DNHD1: variants seen among roughly 807,000 people sequenced by gnomAD.
DNHD1 encodes the protein dynein heavy chain domain 1.
A neutral mutation model predicts 458.1 loss-of-function variants in DNHD1; 383 were observed. The observed-to-expected ratio is 0.84, with a 90% CI of 0.77 to 0.91. DNHD1 has a LOEUF of 0.91. Among genes scored for constraint, DNHD1 ranks in the 40% least tolerant of loss-of-function variants. The pLI, the probability that DNHD1 is intolerant of heterozygous loss-of-function variation, is 0.00. For missense variants in DNHD1, 5,336 were observed against 5,866.1 expected (o/e 0.91, Z 2.95); for synonymous variants, 2,203 against 2,376.9 (o/e 0.93, Z 2.13).
chr11:6,550,295 C>T (rs1853313770), intron 24 of DNHD1, among the ~76,000 whole-genome samples: 1 of 152,160 alleles, frequency 6.6e-6, no homozygotes, highest in Non-Finnish European at 1.5e-5. Flanking sequence ...GGTTCCAAAA[C>T]CTGTAGTTCC....
intron 39 of DNHD1, among the ~76,000 whole-genome samples, chr11:6,569,265 C>T (rs147285822): frequency 9.5e-4 from 145 of 152,118 alleles, no homozygotes; most frequent in African/African-American, 2.8e-3. Flanking sequence ...GGATGGATCA[C>T]GAGGTCAGGA....
chr11:6,566,446 T>C lies in DNHD1; in HGVS notation c.11206+53T>C, dbSNP rs185564195. The C allele has an allele frequency of 1.5e-4, 227 of 1,549,912 alleles. No individual in the cohort carries two copies. The African/African-American group carries it at 2.9e-3, about 20-fold the overall frequency. On this transcript the variant is annotated intron_variant, in intron 34 of 42. Transcript: ENST00000254579. ...ACAGTTGTGTGGACACACTAGGCCC[T>C]CAGCACCAGCCCTAAGAGGGCTTCA...
At chr11:6,562,077 G>A (rs1245715205) in intron 28 of DNHD1, among the ~76,000 whole-genome samples, 1 of 152,192 alleles carries the variant, frequency 6.6e-6, no homozygotes, top group East Asian at 1.9e-4. Context: ...GGCCAGTGTA[G>A]AAGGTCGGGA....
chr11:6,567,628 A>G lies in DNHD1; in HGVS notation c.12119A>G (p.Lys4040Arg), dbSNP rs1437890710. The change falls in exon 36 of 43, where the codon AAG (lysine) becomes AGG (arginine). Residue 4040 changes from lysine (K) to arginine (R), a missense_variant. Lys to Arg is a conservative substitution (Grantham distance 26). This residue lies in a region of DNHD1 where 695 missense variants were observed against 804.2 expected (regional missense o/e 0.86). Transcript: ENST00000254579. ...PGPEPLSLLQ[K>R]LILWRVLRPE... ...CCTGAGCCACTCAGCCTCCTCCAGA[A>G]GCTGATCCTGTGGCGCGTTCTGCGA... 2 of 1,613,804 alleles carry G rather than the reference A, an allele frequency of 1.2e-6. No homozygotes were observed. The highest frequency in any genetic ancestry group is 1.7e-6 in the Non-Finnish European group (2 of 1,179,882).
Position 6,558,710 on chromosome 11 carries a change from T to C in DNHD1, c.9211+17T>C. 1 of 1,546,630 alleles carries C rather than the reference T, an allele frequency of 6.5e-7. No homozygotes were observed. Among genetic ancestry groups the C allele is most frequent in the Non-Finnish European group, 8.7e-7 (1 of 1,146,628 alleles). ...TTGATGACGGTAAGCCCTTTTTACT[T>C]GTCCTTACCACTCATCTCTACCAGG... is the stretch of plus-strand genomic sequence containing the variant. On this transcript the variant is annotated intron_variant, in intron 26 of 42. Coordinates refer to ENST00000254579, the MANE Select transcript of DNHD1 (RefSeq NM_144666.3).
chr11:6,564,475 C>T lies in DNHD1; in HGVS notation c.10427C>T (p.Ala3476Val), dbSNP rs983309183. The change falls in exon 32 of 43, where the codon GCT becomes GTT. Residue 3476 changes from alanine (A) to valine (V), a missense_variant. Transcript: ENST00000254579. The part of the protein sequence containing the change: ...WLALCRGFQE[A>V]LGPDDVAQAL... ...GCTCTGTGTAGGGGCTTTCAGGAGGCTCTGGGCCCAGATGATGTGGCACAG... is the reference window on the plus strand; with the variant it reads ...GCTCTGTGTAGGGGCTTTCAGGAGGTTCTGGGCCCAGATGATGTGGCACAG... 1 of 1,551,726 alleles carries T rather than the reference C, an allele frequency of 6.4e-7. No homozygotes were observed. The highest frequency in any genetic ancestry group is 8.7e-7 in the Non-Finnish European group (1 of 1,146,988).
intron 27 of DNHD1, 23 bp downstream of exon 27, chr11:6,559,129 T>C (rs1853531467): frequency 5.2e-6 from 8 of 1,551,552 alleles, no homozygotes; most frequent in Non-Finnish European, 7.0e-6. Flanking sequence ...TCCCCTGCAG[T>C]GTACCTCCTT....
intron 4 of DNHD1, among the ~76,000 whole-genome samples, chr11:6,504,475 G>A (rs758682541): frequency 9.9e-5 from 15 of 152,174 alleles, no homozygotes; most frequent in Non-Finnish European, 1.8e-4. Flanking sequence ...TTGAGACAGA[G>A]TTTCACTCTT....
intron 7 of DNHD1, among the ~76,000 whole-genome samples, chr11:6,512,451 T>C (rs1432103097): frequency 2.0e-5 from 3 of 151,906 alleles, no homozygotes. Flanking sequence ...CTTGATCTCC[T>C]GACCTTGTGA....
Position 6,537,528 on chromosome 11 carries a change from G to A in DNHD1, c.2999-855G>A, listed in dbSNP as rs117010137. On this transcript the variant is annotated intron_variant, in intron 14 of 42. Transcript: ENST00000254579. ...ACCAAATTCTGTAGTATATAAGAAAGTGATAAGTGATAGAGAAAAAAAAAA... is the reference window on the plus strand; with the variant it reads ...ACCAAATTCTGTAGTATATAAGAAAATGATAAGTGATAGAGAAAAAAAAAA... Among the ~76,000 whole-genome samples, 155 of 151,360 alleles carry A rather than the reference G, an allele frequency of 1.0e-3. 1 individual carries two copies. In the East Asian group the frequency reaches 0.027, roughly 26 times the overall value.
intron 4 of DNHD1, among the ~76,000 whole-genome samples, chr11:6,506,517 T>G (rs763400581): frequency 6.6e-6 from 1 of 152,218 alleles, no homozygotes; most frequent in Admixed American, 6.5e-5. Context: ...ATAGAACTCT[T>G]TCACTTGCTG....
Position 6,563,845 on chromosome 11 carries a change from C to T in DNHD1, c.10005C>T (p.His3335=), listed in dbSNP as rs1444379532. 1.3e-6 allele frequency: 2 copies of T among 1,551,596 alleles called. No individual in the cohort carries two copies. The highest frequency in any genetic ancestry group is 2.0e-5 in the Admixed American group (1 of 50,992). ...CAGCCTGGCTCTGGGCTGTTCTGCA[C>T]TATGGGCTGGCGCATTGCCGGGGAC... ...SLAAWLWAVL[H]YGLAHCRGLP... Residue 3335 remains histidine, a synonymous_variant, in exon 31 of 43, where the codon CAC becomes CAT. Coordinates refer to ENST00000254579, the MANE Select transcript of DNHD1 (RefSeq NM_144666.3).
intron 3 of DNHD1, 43 bp downstream of exon 3, chr11:6,499,004 A>C: frequency 6.6e-7 from 1 of 1,525,856 alleles, no homozygotes; most frequent in Non-Finnish European, 8.8e-7. Flanking sequence ...GAGGAGAAAA[A>C]GTTGCTGTTT....
intron 14 of DNHD1, among the ~76,000 whole-genome samples, chr11:6,537,453 A>G (rs1852977959): frequency 6.6e-6 from 1 of 152,188 alleles, no homozygotes; most frequent in Admixed American, 6.5e-5. Flanking sequence ...GCTTTTCTTA[A>G]TGGACCCAAA....
chr11:6,544,164 G>A lies in DNHD1; in HGVS notation c.3672G>A (p.Val1224=), dbSNP rs1853157575. The A allele has an allele frequency of 1.3e-6, 2 of 1,551,614 alleles. No homozygotes were observed. The highest frequency in any genetic ancestry group is 3.9e-5 in the Admixed American group (2 of 51,010). Residue 1224 remains valine (V), a synonymous_variant, in exon 19 of 43, where the codon GTG becomes GTA. Transcript: ENST00000254579. ...LQDSIQESLQ[V]LSKILAIEKS... ...ATTCCATCCAGGAAAGTCTTCAGGTGTTGTCCAAGATCTTGGCCATCGAAA... is the reference window on the plus strand; with the variant it reads ...ATTCCATCCAGGAAAGTCTTCAGGTATTGTCCAAGATCTTGGCCATCGAAA...
rs757569209 is a variant in DNHD1, at chr11:6,570,911, G to C, written c.13399G>C (p.Asp4467His). The change falls in exon 42 of 43, where the codon GAC becomes CAC. Residue 4467 changes from aspartate to histidine, a missense_variant. By Grantham distance (81) the Asp-to-His change is moderately conservative (BLOSUM62 -1). This residue lies in a region of DNHD1 where 698 missense variants were observed against 664.9 expected (regional missense o/e 1.05). Transcript: ENST00000254579. ...LTHVIRQDES[D>H]APWSVLGPNA... ...CCACGTGATTCGCCAAGACGAGTCC[G>C]ACGCCCCGTGGTCAGTGCTGGGGCC... is the stretch of plus-strand genomic sequence containing the variant. 10 of 1,613,260 alleles carry C rather than the reference G, an allele frequency of 6.2e-6. No individual in the cohort carries two copies. In the East Asian group the frequency reaches 1.1e-4, roughly 18 times the overall value.
At chr11:6,514,147 A>G (rs1042153020) in intron 7 of DNHD1, among the ~76,000 whole-genome samples, 10 of 152,070 alleles carry the variant, frequency 6.6e-5, no homozygotes, top group Admixed American at 1.3e-4. Flanking sequence ...TGTGTCTCCC[A>G]GGCTGGAGTG....
chr11:6,509,809 T>C (rs947842143), intron 6 of DNHD1, among the ~76,000 whole-genome samples: 7 of 152,122 alleles, frequency 4.6e-5, no homozygotes, highest in Admixed American at 4.6e-4. Context: ...GTGACAGGAG[T>C]TGCAAATTCA....
chr11:6,566,002 G>GGGGCC lies in DNHD1; in HGVS notation c.11053+11_11053+12insGGGCC. 6.4e-7 allele frequency: 1 copy of GGGGCC among 1,551,054 alleles called. No homozygotes were observed. The highest frequency in any genetic ancestry group is 8.7e-7 in the Non-Finnish European group (1 of 1,146,730). On this transcript the variant is annotated intron_variant, in intron 33 of 42. Coordinates refer to ENST00000254579, the MANE Select transcript of DNHD1 (RefSeq NM_144666.3). ...AGGCAGCTGCTTGTGGTGAGAGCTG[G>GGGGCC]TCCCCACCCACCCTGGCCCCTTTTT...
Sources: gnomAD v4.1 joint callset for allele counts (sites outside exome capture counted in the v4.1 genomes callset) on GRCh38, gnomAD v4.1.1 for gene constraint, gnomAD v4.1.1 regional missense constraint, MANE v1.5 for transcripts, NCBI Gene and HGNC (gene_info 2026-07-23, HGNC 2026-07-21) for gene names.